Variants in CCDC7 observed in about 807,000 individuals in gnomAD.
CCDC7 encodes coiled-coil domain containing 7.
A neutral mutation model predicts 196.9 loss-of-function variants in CCDC7; 183 were observed. The ratio of observed to expected loss-of-function variants is 0.93; its 90% CI spans 0.82 to 1.05. The LOEUF is 1.05. Ranked by LOEUF, CCDC7 falls within the 50% of genes least tolerant of loss-of-function variation. The pLI is 0.00. For missense variants in CCDC7, 1,540 were observed against 1,482.2 expected, an observed-to-expected ratio of 1.04 and a Z score of -0.64; for synonymous variants, 525 against 484.6, an observed-to-expected ratio of 1.08 and a Z score of -1.10.
chr10:32,817,228 G>T (rs1470027230), intron 31 of CCDC7, among the ~76,000 whole-genome samples: 2 of 152,094 alleles, frequency 1.3e-5, no homozygotes, highest in African/African-American at 2.4e-5. Context: ...ACTGGAAGAG[G>T]GGGTATCAGT....
intron 29 of CCDC7, among the ~76,000 whole-genome samples, chr10:32,802,486 C>A (rs1261891949): frequency 6.6e-6 from 1 of 152,164 alleles, no homozygotes; most frequent in Non-Finnish European, 1.5e-5. Flanking sequence ...CTAAATACTC[C>A]ATCCTTAAAA....
At chr10:32,488,894 G>T (rs1473885060) in intron 8 of CCDC7, among the ~76,000 whole-genome samples, 4 of 152,178 alleles carry the variant, frequency 2.6e-5, no homozygotes, top group Admixed American at 2.6e-4. Context: ...GCTGGGTGGG[G>T]TGTGGCAATT....
At chr10:32,821,745 G>C (rs1023227204) in intron 31 of CCDC7, among the ~76,000 whole-genome samples, 5 of 152,036 alleles carry the variant, frequency 3.3e-5, no homozygotes, top group African/African-American at 1.2e-4. Flanking sequence ...CTCTCTCATA[G>C]GTGGGAATTG....
intron 28 of CCDC7, among the ~76,000 whole-genome samples, chr10:32,752,706 A>T (rs1335511294): frequency 6.6e-6 from 1 of 152,160 alleles, no homozygotes; most frequent in African/African-American, 2.4e-5. Flanking sequence ...ATAATGATTT[A>T]AAATACTCTT....
intron 41 of CCDC7, among the ~76,000 whole-genome samples, chr10:32,859,006 C>A (rs1484398872): frequency 6.6e-6 from 1 of 152,112 alleles, no homozygotes; most frequent in Non-Finnish European, 1.5e-5. Flanking sequence ...TTAGACAGAT[C>A]AATAAGACAG....
chr10:32,604,697 A>T (rs542348935), intron 18 of CCDC7, among the ~76,000 whole-genome samples: 2 of 151,890 alleles, frequency 1.3e-5, no homozygotes, highest in East Asian at 1.9e-4. Context: ...TTTAAATGGG[A>T]TTGCTTTCTT....
chr10:32,454,784 A>G (rs1431834226), intron 2 of CCDC7, among the ~76,000 whole-genome samples: 1 of 152,140 alleles, frequency 6.6e-6, no homozygotes, highest in African/African-American at 2.4e-5. Context: ...TAACTGTTTC[A>G]TAATTTGAAT....
chr10:32,746,089 GC>G (rs908205047), intron 28 of CCDC7, among the ~76,000 whole-genome samples: 22 of 152,116 alleles, frequency 1.4e-4, no homozygotes, highest in African/African-American at 5.1e-4. Flanking sequence ...GCCAGGAAGA[GC>G]ATCTCCCACT....
intron 11 of CCDC7, among the ~76,000 whole-genome samples, chr10:32,531,530 G>T (rs1342497355): frequency 6.6e-6 from 1 of 152,086 alleles, no homozygotes; most frequent in South Asian, 2.1e-4. Context: ...TTTTTGCTGT[G>T]TCTCTGTCTG....
intron 20 of CCDC7, among the ~76,000 whole-genome samples, chr10:32,650,564 G>A (rs564144689): frequency 1.3e-5 from 2 of 152,266 alleles, no homozygotes; most frequent in Admixed American, 1.3e-4. Context: ...GGGGAAACAG[G>A]CAACACCCTT....
chr10:32,563,708 C>T (rs1297844515), intron 13 of CCDC7, among the ~76,000 whole-genome samples: 1 of 152,122 alleles, frequency 6.6e-6, no homozygotes, highest in Non-Finnish European at 1.5e-5. Flanking sequence ...TAGAAGAAAA[C>T]CTAGGCATTA....
intron 41 of CCDC7, among the ~76,000 whole-genome samples, chr10:32,856,627 C>T (rs1344059578): frequency 2.6e-5 from 4 of 152,190 alleles, no homozygotes; most frequent in African/African-American, 9.7e-5. Flanking sequence ...TGCACCTGAC[C>T]TCACAGAGCC....
intron 21 of CCDC7, among the ~76,000 whole-genome samples, chr10:32,681,111 A>G (rs762821007): frequency 3.9e-5 from 6 of 152,202 alleles, no homozygotes; most frequent in Non-Finnish European, 7.3e-5. Flanking sequence ...GCCTTTGCTC[A>G]GATTTTCCAG....
intron 11 of CCDC7, among the ~76,000 whole-genome samples, chr10:32,529,169 C>A (rs1249502891): frequency 6.6e-6 from 1 of 152,052 alleles, no homozygotes; most frequent in Non-Finnish European, 1.5e-5. Flanking sequence ...ATTACAGGAA[C>A]TCACTACCAC....
At chr10:32,850,273 G>C (rs1014218225) in intron 39 of CCDC7, among the ~76,000 whole-genome samples, 1 of 152,136 alleles carries the variant, frequency 6.6e-6, no homozygotes, top group South Asian at 2.1e-4. Context: ...CCCAGATCCA[G>C]TATCATGAAG....
At chr10:32,636,636 C>T (rs2065699294) in intron 20 of CCDC7, among the ~76,000 whole-genome samples, 2 of 152,160 alleles carry the variant, frequency 1.3e-5, no homozygotes, top group Admixed American at 1.3e-4. Flanking sequence ...CATTGTTGGA[C>T]ATTTGGGTTG....
At chr10:32,618,424 A>G (rs534431977) in intron 18 of CCDC7, among the ~76,000 whole-genome samples, 7 of 152,100 alleles carry the variant, frequency 4.6e-5, no homozygotes, top group African/African-American at 1.7e-4. Flanking sequence ...ATGTTTTCAT[A>G]ATGGTAATTA....
chr10:32,449,687 G>A (rs796446121), upstream of CCDC7, among the ~76,000 whole-genome samples: 2 of 152,160 alleles, frequency 1.3e-5, no homozygotes, highest in African/African-American at 4.8e-5. Context: ...AATATTTCCT[G>A]TGGTCTGAAT....
intron 20 of CCDC7, among the ~76,000 whole-genome samples, chr10:32,661,568 C>T (rs1353025258): frequency 1.3e-5 from 2 of 152,002 alleles, no homozygotes; most frequent in Non-Finnish European, 2.9e-5. Flanking sequence ...TTATTCAGGG[C>T]CCAAGGGCTC....
Sources: allele counts gnomAD v4.1 joint callset (sites outside exome capture counted in the v4.1 genomes callset), GRCh38; gene constraint gnomAD v4.1.1; transcripts MANE v1.5; gene names NCBI Gene and HGNC (gene_info 2026-07-23, HGNC 2026-07-21).